Variants in PALLD observed in about 807,000 individuals in gnomAD.
PALLD encodes palladin.
PALLD carries 61 observed loss-of-function variants against 123.5 expected under a neutral mutation model. The ratio of observed to expected loss-of-function variants is 0.49; its 90% confidence interval spans 0.40 to 0.61. PALLD has a LOEUF of 0.61. PALLD is among the 20% of genes least tolerant of loss of function. The pLI is 0.00. For missense variants in PALLD, 1,273 were observed against 1,377.0 expected (o/e 0.92, Z 1.20); for synonymous variants, 465 against 496.4 (o/e 0.94, Z 0.84).
chr4:168,606,275 C>T (rs1773157833), intron 2 of PALLD, among the ~76,000 whole-genome samples: 1 of 152,060 alleles, frequency 6.6e-6, no homozygotes, highest in Non-Finnish European at 1.5e-5. Flanking sequence ...TATTTTAGTG[C>T]CAGTGGTGGC....
At chr4:168,683,192 T>C (rs913175512) in intron 5 of PALLD, 89 bp downstream of exon 5, 2 of 685,362 alleles carry the variant, frequency 2.9e-6, no homozygotes, top group Non-Finnish European at 5.2e-6. Context: ...TTCTAACTAG[T>C]ATACTCCCTT....
intron 10 of PALLD, among the ~76,000 whole-genome samples, chr4:168,782,527 C>G (rs1232305413): frequency 6.6e-6 from 1 of 152,088 alleles, no homozygotes; most frequent in Non-Finnish European, 1.5e-5. Flanking sequence ...GCCATATGGA[C>G]TCTATAATAG....
intron 2 of PALLD, among the ~76,000 whole-genome samples, chr4:168,545,137 CCT>C (rs1158925917): frequency 6.6e-6 from 1 of 152,152 alleles, no homozygotes; most frequent in Non-Finnish European, 1.5e-5. Context: ...TTATTTTCAT[CCT>C]CTCTGGTTTC....
chr4:168,638,271 A>G (rs929746651), intron 2 of PALLD, among the ~76,000 whole-genome samples: 1 of 152,218 alleles, frequency 6.6e-6, no homozygotes, highest in Non-Finnish European at 1.5e-5. Flanking sequence ...CCAAGATCAC[A>G]TGGCTACTAA....
At chr4:168,761,455 A>T (rs1369203451) in intron 10 of PALLD, among the ~76,000 whole-genome samples, 1 of 151,914 alleles carries the variant, frequency 6.6e-6, no homozygotes, top group Non-Finnish European at 1.5e-5. Flanking sequence ...GGTAGCTAGA[A>T]AGTGGCTTTG....
chr4:168,865,143 C>A (rs1005441902), intron 10 of PALLD, among the ~76,000 whole-genome samples: 2 of 152,246 alleles, frequency 1.3e-5, no homozygotes, highest in Admixed American at 1.3e-4. Flanking sequence ...GGGGAAATGG[C>A]TAGGCAGCAC....
intron 5 of PALLD, among the ~76,000 whole-genome samples, chr4:168,684,895 C>T (rs1781881044): frequency 1.3e-5 from 2 of 152,296 alleles, no homozygotes; most frequent in African/African-American, 4.8e-5. Flanking sequence ...AGTGATAGTA[C>T]ACAAAGAAAT....
intron 10 of PALLD, among the ~76,000 whole-genome samples, chr4:168,768,361 A>G (rs1183305519): frequency 6.6e-6 from 1 of 152,222 alleles, no homozygotes; most frequent in Non-Finnish European, 1.5e-5. Flanking sequence ...TCTTCTTTGA[A>G]TGTTCACATT....
intron 2 of PALLD, among the ~76,000 whole-genome samples, chr4:168,624,473 C>T (rs1470103036): frequency 2.6e-5 from 4 of 152,052 alleles, no homozygotes; most frequent in African/African-American, 7.2e-5. Context: ...CATCCCAAAG[C>T]CCACATCATG....
chr4:168,547,858 ATTAC>A (rs1766311300), intron 2 of PALLD, among the ~76,000 whole-genome samples: 1 of 151,470 alleles, frequency 6.6e-6, no homozygotes, highest in African/African-American at 2.4e-5. Context: ...AGGCAGGAAA[ATTAC>A]TGGAACCCGG....
chr4:168,537,549 A>G (rs1765211087), intron 2 of PALLD: 1 of 152,200 alleles, frequency 6.6e-6, no homozygotes, highest in Admixed American at 6.5e-5. Flanking sequence ...TCTTATAATT[A>G]TCTTATATCA....
Position 168,903,822 on chromosome 4 carries a change from T to C in PALLD, c.2538T>C (p.Asp846=). The C allele has an allele frequency of 1.1e-5, 18 of 1,612,768 alleles. No individual in the cohort carries two copies. Among genetic ancestry groups the C allele is most frequent in the Non-Finnish European group, 1.5e-5 (18 of 1,178,828 alleles). ...PKSDHYTIQR[D]LDGTCSLHTT... ...GTGATCACTACACCATTCAAAGAGATCTCGATGGGACCTGCTCCCTCCATA... is the reference window on the plus strand; with the variant it reads ...GTGATCACTACACCATTCAAAGAGACCTCGATGGGACCTGCTCCCTCCATA... Residue 846 remains aspartate, a synonymous_variant, in exon 15 of 22, where the codon GAT becomes GAC. Coordinates refer to ENST00000505667, the MANE Select transcript of PALLD (RefSeq NM_001166108.2).
At position 168,877,957 on chromosome 4, in the gene PALLD, C is replaced by G. The variant is rs761786938; in HGVS notation, c.1965-12965C>G. Reference sequence around the variant, plus strand: ...CCTCCGGCTCCTTCAACTACGCGCGCCCCAAGCAGTTCATCGCCGCGCAGA... The same window carrying G: ...CCTCCGGCTCCTTCAACTACGCGCGGCCCAAGCAGTTCATCGCCGCGCAGA... On this transcript the variant is annotated intron_variant, in intron 10 of 21. Coordinates refer to ENST00000505667, the MANE Select transcript of PALLD (RefSeq NM_001166108.2). The G allele has an allele frequency of 6.0e-6, 9 of 1,502,392 alleles. No homozygotes were observed. The highest frequency in any genetic ancestry group is 8.0e-6 in the Non-Finnish European group (9 of 1,131,138). The allele number at this position is 1,502,392 out of a possible 1,614,324, so 93.1% of individuals were successfully genotyped here.
At chr4:168,776,142 A>C (rs1735141859) in intron 10 of PALLD, among the ~76,000 whole-genome samples, 1 of 152,198 alleles carries the variant, frequency 6.6e-6, no homozygotes. Flanking sequence ...ACATCTCAAA[A>C]ACATTGCATC....
At chr4:168,838,667 CTTTTTT>C (rs70961558) in intron 10 of PALLD, among the ~76,000 whole-genome samples, 108 of 88,760 alleles carry the variant, frequency 1.2e-3, no homozygotes, top group East Asian at 8.7e-3. Flanking sequence ...CTTCTAACTC[CTTTTTT>C]TTTTTTTTTT....
intron 6 of PALLD, among the ~76,000 whole-genome samples, chr4:168,687,361 C>G (rs1782170275): frequency 6.6e-6 from 1 of 152,178 alleles, no homozygotes; most frequent in South Asian, 2.1e-4. Flanking sequence ...AATCTGATAA[C>G]CAATGAAGTC....
At chr4:168,643,624 C>G (rs1777163818) in intron 2 of PALLD, among the ~76,000 whole-genome samples, 1 of 149,550 alleles carries the variant, frequency 6.7e-6, no homozygotes, top group South Asian at 2.1e-4. Context: ...TTTAGGAAAG[C>G]AGGCTGGTTA....
intron 2 of PALLD, among the ~76,000 whole-genome samples, chr4:168,629,083 C>A (rs1179089474): frequency 6.7e-6 from 1 of 149,768 alleles, no homozygotes; most frequent in Non-Finnish European, 1.5e-5. Flanking sequence ...ATGACGCGAT[C>A]TCAGCTCACT....
intron 3 of PALLD, among the ~76,000 whole-genome samples, chr4:168,676,955 C>T (rs913866758): frequency 2.0e-5 from 3 of 152,032 alleles, no homozygotes; most frequent in South Asian, 2.1e-4. Flanking sequence ...TTTCCACTGG[C>T]CAAAGCCTGG....
Sources: allele counts gnomAD v4.1 joint callset (sites outside exome capture counted in the v4.1 genomes callset), GRCh38; gene constraint gnomAD v4.1.1; transcripts MANE v1.5; gene names NCBI Gene and HGNC (gene_info 2026-07-23, HGNC 2026-07-21).